Variants in ADGRF1 observed in about 807,000 individuals in gnomAD.
The protein encoded by ADGRF1 is adhesion G protein-coupled receptor F1.
ADGRF1 carries 85 observed loss-of-function variants against 87.2 expected under a neutral mutation model. The observed-to-expected ratio is 0.97, with a 90% confidence interval of 0.82 to 1.17. The LOEUF (loss-of-function observed/expected upper bound fraction) is 1.17, where lower values mean the gene tolerates loss of function less well. Among genes scored for constraint, ADGRF1 ranks in the 50% most tolerant of loss-of-function variants. The probability of loss-of-function intolerance (pLI) is 0.00; values close to 1 mark genes in which losing one functional copy is unlikely to be tolerated. For synonymous variants in ADGRF1, 430 were observed against 408.8 expected (o/e 1.05, Z -0.63); for missense variants, 1,169 against 1,077.2 (o/e 1.09, Z -1.19).
In ADGRF1 at chr6:47,012,122, A is replaced by G; in HGVS notation, c.1001T>C (p.Ile334Thr). ...SSFVQNLSVI[I>T]RQNPSTTVGN... ...CACTGTGGTTGATGGGTTTTGCCGA[A>G]TGATGACAGAAAGATTTTGCACGAA... Residue 334 changes from isoleucine (I) to threonine (T), a missense_variant, in exon 10 of 15, where the codon ATT becomes ACT. Ile to Thr is a moderately conservative substitution (Grantham distance 89). Coordinates refer to ENST00000371253, the MANE Select transcript of ADGRF1 (RefSeq NM_153840.4). The G allele has an allele frequency of 6.2e-7, 1 of 1,614,154 alleles. No individual in the cohort carries two copies.
At chr6:47,040,911 T>C (rs1275297563) in intron 1 of ADGRF1, among the ~76,000 whole-genome samples, 1 of 152,206 alleles carries the variant, frequency 6.6e-6, no homozygotes, top group African/African-American at 2.4e-5. Flanking sequence ...GACCCTGTTA[T>C]TGGGACACTG....
At chr6:47,020,120 C>T in intron 7 of ADGRF1, 1 of 1,042,550 alleles carries the variant, frequency 9.6e-7, no homozygotes, top group African/African-American at 1.7e-5. Flanking sequence ...GATCTCCTGC[C>T]TTCTTTCAAG....
chr6:47,037,060 A>G (rs1780607534), intron 1 of ADGRF1, among the ~76,000 whole-genome samples: 1 of 152,236 alleles, frequency 6.6e-6, no homozygotes, highest in African/African-American at 2.4e-5. Context: ...GAGTTTTTCT[A>G]GACATGGCCA....
chr6:47,033,056 T>C (rs572362831), intron 1 of ADGRF1, among the ~76,000 whole-genome samples: 2 of 152,300 alleles, frequency 1.3e-5, no homozygotes, highest in East Asian at 3.9e-4. Flanking sequence ...GTCCTGATTA[T>C]TTAGAAATTC....
intron 2 of ADGRF1, among the ~76,000 whole-genome samples, chr6:47,028,703 G>A (rs1045839348): frequency 3.3e-5 from 5 of 152,162 alleles, no homozygotes; most frequent in Non-Finnish European, 7.3e-5. Flanking sequence ...TTCTGCATCC[G>A]AGAAGCCATA....
Position 47,009,546 on chromosome 6 carries a change from A to G in ADGRF1, c.1889T>C (p.Ile630Thr). 1 of 1,614,160 alleles carries G rather than the reference A, an allele frequency of 6.2e-7. No individual in the cohort carries two copies. The highest frequency in any genetic ancestry group is 8.5e-7 in the Non-Finnish European group (1 of 1,180,006). The change falls in exon 11 of 15, where the codon ATA becomes ACA. Residue 630 changes from isoleucine (I) to threonine (T), a missense_variant. Ile to Thr is a moderately conservative substitution (Grantham distance 89). Coordinates refer to ENST00000371253, the MANE Select transcript of ADGRF1 (RefSeq NM_153840.4). The part of the protein sequence containing the change: ...SHTRRICMVN[I>T]ALSLLIADVW... ...ATCAGCAATCAAGAGGGACAGGGCT[A>G]TGTTCACCATGCAAATACGACGTGT...
At position 47,010,150 on chromosome 6, in the gene ADGRF1, T is replaced by A; in HGVS notation, c.1285A>T (p.Ile429Phe). ...TTCACTGGAATCCCTTTCCAGTCAA[T>A]GAATTTCCGAGAAAAATTCAGAGGA... ...ALPLNFSRKF[I>F]DWKGIPVNKS... is the part of the protein sequence containing the mutation. The change falls in exon 11 of 15, where the codon ATT (isoleucine) becomes TTT (phenylalanine). Residue 429 changes from isoleucine to phenylalanine, a missense_variant. By Grantham distance (21) the Ile-to-Phe change is conservative. Transcript: ENST00000371253. 1.9e-6 allele frequency: 3 copies of A among 1,614,188 alleles called. No homozygotes were observed. Among genetic ancestry groups the A allele is most frequent in the African/African-American group, 1.3e-5 (1 of 75,056 alleles).
intron 1 of ADGRF1, among the ~76,000 whole-genome samples, chr6:47,034,980 C>T (rs1376808633): frequency 6.6e-6 from 1 of 152,218 alleles, no homozygotes; most frequent in Admixed American, 6.5e-5. Context: ...TCTATTTAGT[C>T]TGCGCTTTGC....
rs1011510623 is a variant in ADGRF1, at chr6:47,012,662, T to G, written c.928-467A>C. ...AGGTCTACTGGTAGTAATCCTGTTATGTTCACCACGCTACACTGAGAATGC... is the reference window on the plus strand; with the variant it reads ...AGGTCTACTGGTAGTAATCCTGTTAGGTTCACCACGCTACACTGAGAATGC... On this transcript the variant is annotated intron_variant, in intron 9 of 14. Coordinates refer to ENST00000371253, the MANE Select transcript of ADGRF1 (RefSeq NM_153840.4). 7.1e-6 allele frequency: 7 copies of G among 988,040 alleles called. No individual in the cohort carries two copies. The East Asian group carries it at 7.9e-4, about 111-fold the overall frequency. 61.2% of individuals were successfully genotyped at this position (988,040 alleles called of 1,614,324 possible).
rs757218138 is a variant in ADGRF1, at chr6:47,014,683, T to C, written c.925A>G (p.Lys309Glu). Residue 309 changes from lysine to glutamate, a missense_variant and splice_region_variant, in exon 9 of 15, where the codon AAG (lysine) becomes GAG (glutamate). Coordinates refer to ENST00000371253, the MANE Select transcript of ADGRF1 (RefSeq NM_153840.4). ...TCTACACAGTGAAAATGCCTCACCTTGTTCAGTTCTTCAAGCAGAGAGAGC... is the reference window on the plus strand; with the variant it reads ...TCTACACAGTGAAAATGCCTCACCTCGTTCAGTTCTTCAAGCAGAGAGAGC... Reference protein sequence around the residue: ...CVLSLLEELNKNFSMIVGNAT... With the variant: ...CVLSLLEELNENFSMIVGNAT... The C allele has an allele frequency of 6.2e-6, 10 of 1,612,964 alleles. No homozygotes were observed. Among genetic ancestry groups the C allele is most frequent in the South Asian group, 3.3e-5 (3 of 90,910 alleles).
intron 7 of ADGRF1, chr6:47,020,064 C>A (rs975266394): frequency 6.0e-6 from 6 of 1,001,826 alleles, no homozygotes; most frequent in Non-Finnish European, 7.1e-6. Context: ...CGACAACCCG[C>A]AACCCTTATC....
chr6:47,037,238 T>C (rs953756627), intron 1 of ADGRF1, among the ~76,000 whole-genome samples: 9 of 152,188 alleles, frequency 5.9e-5, no homozygotes, highest in Non-Finnish European at 1.3e-4. Context: ...TTTAAGCATT[T>C]TTTCAGGGGT....
intron 7 of ADGRF1, chr6:47,017,521 T>C (rs1403780411): frequency 6.6e-6 from 1 of 152,038 alleles, no homozygotes; most frequent in African/African-American, 2.4e-5. Context: ...GGAGAAGATT[T>C]GGGATGTGAA....
At chr6:47,031,456 G>C (rs1250973945) in intron 1 of ADGRF1, among the ~76,000 whole-genome samples, 1 of 151,386 alleles carries the variant, frequency 6.6e-6, no homozygotes, top group Non-Finnish European at 1.5e-5. Flanking sequence ...AAAGCCTGAG[G>C]ACAGCTCTGG....
intron 1 of ADGRF1, among the ~76,000 whole-genome samples, chr6:47,040,300 G>A (rs1780699803): frequency 6.6e-6 from 1 of 151,900 alleles, no homozygotes; most frequent in Admixed American, 6.6e-5. Flanking sequence ...ATGAAACCCT[G>A]TCTCTAATAA....
At chr6:47,030,659 A>G (rs1052503153) in intron 1 of ADGRF1, among the ~76,000 whole-genome samples, 5 of 143,628 alleles carry the variant, frequency 3.5e-5, no homozygotes, top group African/African-American at 1.3e-4. Flanking sequence ...TCATTTTATT[A>G]GTAAATTGCT....
chr6:47,008,801 C>T, intron 11 of ADGRF1, 144 bp downstream of exon 11: 7 of 684,240 alleles, frequency 1.0e-5, no homozygotes, highest in African/African-American at 1.8e-5. Context: ...ATATTTTTTT[C>T]TATTTATTGT....
At chr6:47,020,287 G>A in intron 7 of ADGRF1, 1 of 1,129,806 alleles carries the variant, frequency 8.9e-7, no homozygotes, top group Non-Finnish European at 1.2e-6. Flanking sequence ...GAGGTCAGGA[G>A]TTTGAGACCA....
At chr6:47,013,106 C>T (rs1779758637) in intron 9 of ADGRF1, 1 of 985,260 alleles carries the variant, frequency 1.0e-6, no homozygotes, top group African/African-American at 1.7e-5. Flanking sequence ...CTTGAGGCTC[C>T]CATCTACTTT....
Sources: allele counts gnomAD v4.1 joint callset (sites outside exome capture counted in the v4.1 genomes callset), GRCh38; gene constraint gnomAD v4.1.1; transcripts MANE v1.5; gene names NCBI Gene and HGNC (gene_info 2026-07-23, HGNC 2026-07-21).